SAMMSON: variants seen among roughly 807,000 people sequenced by gnomAD.
SAMMSON encodes survival associated mitochondrial melanoma specific oncogenic non-coding RNA.
intron 4 of SAMMSON, among the ~76,000 whole-genome samples, chr3:70,227,347 T>C (rs1575601741): frequency 6.6e-6 from 1 of 152,344 alleles, no homozygotes; most frequent in South Asian, 2.1e-4. Flanking sequence ...TTTTGTTTTT[T>C]CCATACCACT....
chr3:70,091,213 A>T (rs1358570130), intron 4 of SAMMSON, among the ~76,000 whole-genome samples: 1 of 152,194 alleles, frequency 6.6e-6, no homozygotes, highest in African/African-American at 2.4e-5. Context: ...CAGTCTGCAT[A>T]ATTTCCAACC....
intron 2 of SAMMSON, among the ~76,000 whole-genome samples, chr3:70,408,306 G>C (rs974682876): frequency 6.6e-6 from 1 of 152,234 alleles, no homozygotes; most frequent in African/African-American, 2.4e-5. Flanking sequence ...TCTGCAACCA[G>C]CTTGAATTTT....
chr3:70,190,413 G>A (rs1290717573), intron 4 of SAMMSON, among the ~76,000 whole-genome samples: 1 of 152,132 alleles, frequency 6.6e-6, no homozygotes, highest in Non-Finnish European at 1.5e-5. Flanking sequence ...ATTCTTCAGT[G>A]ATTTTTCATC....
chr3:70,068,849 C>G (rs1298548989), intron 3 of SAMMSON: 1 of 152,130 alleles, frequency 6.6e-6, no homozygotes, highest in East Asian at 1.9e-4. Context: ...TATGGAGAGG[C>G]CCCTTTATAA....
At position 70,335,681 on chromosome 3, in the gene SAMMSON, T is replaced by G. The variant is rs1384683040; in HGVS notation, n.740-18494T>G. Among the ~76,000 whole-genome samples, 3 of 151,996 alleles carry G rather than the reference T, an allele frequency of 2.0e-5. No homozygotes were observed. In the East Asian group the frequency reaches 5.8e-4, roughly 29 times the overall value. On this transcript the variant is annotated intron_variant and non_coding_transcript_variant, in intron 7 of 9. Transcript: ENST00000642114. ...TCTGGGTAATTTTTAGTCAATATCCTGGGTTCATATCATGCTTGCGAAGTA... is the reference window on the plus strand; with the variant it reads ...TCTGGGTAATTTTTAGTCAATATCCGGGGTTCATATCATGCTTGCGAAGTA...
Position 70,071,253 on chromosome 3 carries a change from C to T in SAMMSON, n.418-223C>T, listed in dbSNP as rs543666195. 2.5e-4 allele frequency among the ~76,000 whole-genome samples: 38 copies of T among 152,106 alleles called. 1 individual carries two copies. Among genetic ancestry groups the T allele is most frequent in the Middle Eastern group, 6.8e-3 (2 of 294 alleles). The stretch of plus-strand genomic sequence containing the variant: ...CTGACCCCAGCTTTCTGGTTTCTGT[C>T]TCCTTTCTTTACAAAATCTTCAGTT... On this transcript the variant is annotated intron_variant and non_coding_transcript_variant, in intron 3 of 9. Transcript: ENST00000642114.
chr3:70,346,132 C>A (rs889556115), intron 7 of SAMMSON, among the ~76,000 whole-genome samples: 3 of 152,234 alleles, frequency 2.0e-5, no homozygotes, highest in African/African-American at 7.2e-5. Flanking sequence ...TCTTCACGCT[C>A]ACCAATAATT....
intron 9 of SAMMSON, among the ~76,000 whole-genome samples, chr3:70,383,971 T>A (rs1559577706): frequency 6.6e-6 from 1 of 152,034 alleles, no homozygotes; most frequent in Non-Finnish European, 1.5e-5. Context: ...ACTTGAGGCA[T>A]TTTGAATTTT....
intron 6 of SAMMSON, among the ~76,000 whole-genome samples, chr3:70,252,799 G>T (rs1369188741): frequency 2.6e-5 from 4 of 152,064 alleles, no homozygotes; most frequent in African/African-American, 7.2e-5. Flanking sequence ...CAAAAAGAAG[G>T]CCAGGCGCGG....
chr3:70,287,170 TTCAG>T (rs1702174662), intron 6 of SAMMSON, among the ~76,000 whole-genome samples: 1 of 137,832 alleles, frequency 7.3e-6, no homozygotes, highest in African/African-American at 2.8e-5. Flanking sequence ...TTTTTGCCCA[TTCAG>T]TATGATATTG....
intron 4 of SAMMSON, among the ~76,000 whole-genome samples, chr3:70,195,218 T>C (rs1425287472): frequency 6.6e-6 from 1 of 152,210 alleles, no homozygotes; most frequent in Non-Finnish European, 1.5e-5. Context: ...GAATCTATTT[T>C]TTTTTCTTCT....
intron 4 of SAMMSON, among the ~76,000 whole-genome samples, chr3:70,162,161 T>G (rs181828468): frequency 6.6e-6 from 1 of 151,982 alleles, no homozygotes; most frequent in East Asian, 1.9e-4. Context: ...CTTTATTGTT[T>G]CCTTTCTTTT....
intron 9 of SAMMSON, among the ~76,000 whole-genome samples, chr3:70,380,110 T>C (rs1249796430): frequency 6.6e-6 from 1 of 151,934 alleles, no homozygotes; most frequent in Non-Finnish European, 1.5e-5. Flanking sequence ...GCAAAACAAT[T>C]CAAAGAAAAA....
chr3:70,170,533 T>C (rs112706187), intron 4 of SAMMSON, among the ~76,000 whole-genome samples: 1 of 151,202 alleles, frequency 6.6e-6, no homozygotes, highest in Non-Finnish European at 1.5e-5. Context: ...AACCAGACTT[T>C]CAAGAATAAC....
At chr3:70,275,485 A>C (rs1425131140) in intron 6 of SAMMSON, among the ~76,000 whole-genome samples, 1 of 152,234 alleles carries the variant, frequency 6.6e-6, no homozygotes, top group East Asian at 1.9e-4. Context: ...ACTGCATTCC[A>C]GAGCCTAGGT....
chr3:70,085,238 G>A (rs779714736), intron 4 of SAMMSON, among the ~76,000 whole-genome samples: 5 of 152,036 alleles, frequency 3.3e-5, no homozygotes, highest in Non-Finnish European at 5.9e-5. Context: ...ATATTTTGAC[G>A]GCAAGAAACA....
chr3:70,308,138 A>G (rs1702420319), intron 7 of SAMMSON, among the ~76,000 whole-genome samples: 1 of 151,954 alleles, frequency 6.6e-6, no homozygotes, highest in South Asian at 2.1e-4. Context: ...TGCAGCCTCA[A>G]CCTCCCAGGC....
At chr3:70,051,134 C>CAAAAAAAAAAAAAAAAAA (rs71126477) in intron 3 of SAMMSON, among the ~76,000 whole-genome samples, 5 of 45,234 alleles carry the variant, frequency 1.1e-4, no homozygotes, top group Non-Finnish European at 2.0e-4. Context: ...TACTCCATCT[C>CAAAAAAAAAAAAAAAAAA]AAAAAAAAAA....
chr3:70,057,431 G>A (rs1002789932), intron 3 of SAMMSON, among the ~76,000 whole-genome samples: 3 of 151,810 alleles, frequency 2.0e-5, no homozygotes, highest in Admixed American at 6.6e-5. Context: ...TGAAAATTTG[G>A]CATCTGCAAG....
Sources: allele counts gnomAD v4.1 joint callset (sites outside exome capture counted in the v4.1 genomes callset), GRCh38; gene constraint gnomAD v4.1.1; transcripts MANE v1.5; gene names NCBI Gene and HGNC (gene_info 2026-07-23, HGNC 2026-07-21).